The following TSPEAR variants were observed in gnomAD, a reference collection of about 807,000 sequenced individuals.
TSPEAR encodes the protein thrombospondin type laminin G domain and EAR repeats.
TSPEAR carries 69 observed loss-of-function variants against 71.6 expected under a neutral mutation model. That is an observed-to-expected ratio of 0.96 (90% confidence interval 0.79 to 1.18). The LOEUF is 1.18. TSPEAR is among the 50% of genes most tolerant of loss of function. The probability of loss-of-function intolerance (pLI) is 0.00; values close to 1 mark genes in which losing one functional copy is unlikely to be tolerated. For missense variants in TSPEAR, 971 were observed against 894.9 expected, an observed-to-expected ratio of 1.09 and a Z score of -1.09; for synonymous variants, 402 against 387.2, an observed-to-expected ratio of 1.04 and a Z score of -0.45.
chr21:44,529,699 C>A (rs587597285), intron 5 of TSPEAR, 99 bp downstream of exon 5: 1 of 1,389,992 alleles, frequency 7.2e-7, no homozygotes, highest in Non-Finnish European at 1.0e-6. Context: ...GGCAGGCACA[C>A]GAGAGGGGCT....
chr21:44,657,873 G>A (rs782349106), intron 1 of TSPEAR: 202 of 1,057,154 alleles, frequency 1.9e-4, no homozygotes, highest in Non-Finnish European at 2.6e-4. Flanking sequence ...CAACAGTTGT[G>A]TTTTTGTGTT....
chr21:44,694,460 G>A (rs1208725324), intron 1 of TSPEAR, among the ~76,000 whole-genome samples: 1 of 152,146 alleles, frequency 6.6e-6, no homozygotes, highest in Non-Finnish European at 1.5e-5. Context: ...TTTCAGTTCG[G>A]GAAGAAGAAA....
intron 9 of TSPEAR, chr21:44,518,378 T>G (rs2052651825): frequency 2.3e-6 from 1 of 437,592 alleles, no homozygotes; most frequent in South Asian, 1.7e-5. Flanking sequence ...TGGTGCAGTG[T>G]CGTGAAGAAG....
At chr21:44,580,511 G>T in intron 1 of TSPEAR, 1 of 1,613,692 alleles carries the variant, frequency 6.2e-7, no homozygotes, top group Non-Finnish European at 8.5e-7. Context: ...GCAGCTCTCT[G>T]GGCAGTCGTC....
intron 1 of TSPEAR, among the ~76,000 whole-genome samples, chr21:44,635,710 C>T (rs2146215359): frequency 6.6e-6 from 1 of 152,240 alleles, no homozygotes; most frequent in South Asian, 2.1e-4. Flanking sequence ...TGATAGTATT[C>T]TGGAACTAGG....
intron 1 of TSPEAR, among the ~76,000 whole-genome samples, chr21:44,613,842 C>T (rs781294482): frequency 1.3e-5 from 2 of 152,100 alleles, no homozygotes; most frequent in African/African-American, 2.4e-5. Flanking sequence ...GTGTCCTTCA[C>T]GTCGTTTAGG....
intron 2 of TSPEAR, among the ~76,000 whole-genome samples, chr21:44,541,529 G>A (rs190946877): frequency 1.4e-4 from 21 of 152,340 alleles, no homozygotes; most frequent in Admixed American, 1.2e-3. Context: ...CTGCACAGAA[G>A]TGAGTCCAAT....
intron 1 of TSPEAR, among the ~76,000 whole-genome samples, chr21:44,639,340 G>A (rs1409065839): frequency 3.3e-5 from 5 of 152,202 alleles, no homozygotes; most frequent in African/African-American, 7.2e-5. Flanking sequence ...GCGCACGTCC[G>A]GCTCCAGCAA....
At chr21:44,677,755 T>C (rs782029849) in intron 1 of TSPEAR, 401 of 1,350,898 alleles carry the variant, frequency 3.0e-4, no homozygotes, top group Non-Finnish European at 2.3e-4. Flanking sequence ...ACACTAGAGA[T>C]TTTTAGTGGA....
intron 1 of TSPEAR, chr21:44,676,304 C>T: frequency 8.2e-7 from 1 of 1,214,332 alleles, no homozygotes; most frequent in Non-Finnish European, 1.2e-6. Flanking sequence ...ATAGCTGTGG[C>T]TAAAGCTTTA....
At chr21:44,512,364 C>T (rs953101657) in intron 9 of TSPEAR, among the ~76,000 whole-genome samples, 4 of 151,024 alleles carry the variant, frequency 2.6e-5, no homozygotes, top group African/African-American at 7.3e-5. Flanking sequence ...GGTGCCACTC[C>T]TAAGATGGGA....
chr21:44,654,325 G>A lies in TSPEAR; in HGVS notation c.82+57108C>T, dbSNP rs1555942064. The stretch of plus-strand genomic sequence containing the variant: ...GGTGACAGGTCTATAGACCAGGGTG[G>A]GGCAGAAGGGCTGGCAGCACCCAGA... On this transcript the variant is annotated intron_variant, in intron 1 of 11. Coordinates refer to ENST00000323084, the MANE Select transcript of TSPEAR (RefSeq NM_144991.3). 6 of 1,614,096 alleles carry A rather than the reference G, an allele frequency of 3.7e-6. No homozygotes were observed. The Admixed American group carries it at 8.3e-5, about 22-fold the overall frequency.
At chr21:44,600,860 G>A in intron 1 of TSPEAR, 2 of 1,610,138 alleles carry the variant, frequency 1.2e-6, no homozygotes, top group Non-Finnish European at 1.7e-6. Flanking sequence ...TGCCAATCAG[G>A]CTGCACCAGC....
At position 44,593,719 on chromosome 21, in the gene TSPEAR, C is replaced by G. The variant is rs928673068; in HGVS notation, c.83-25714G>C. On this transcript the variant is annotated intron_variant, in intron 1 of 11. Transcript: ENST00000323084. The surrounding 1 kb of genome is among the most constrained non-coding windows in gnomAD (Gnocchi z 5.9). The stretch of plus-strand genomic sequence containing the variant: ...TCAAATTACAAACAGGACCTCAGGC[C>G]GCGCCAGGCAAGGGACAAGCCGCGT... Among the ~76,000 whole-genome samples the G allele has an allele frequency of 6.6e-6, 1 of 152,152 alleles. No homozygotes were observed. The highest frequency in any genetic ancestry group is 1.5e-5 in the Non-Finnish European group (1 of 68,020).
rs372475985 is a variant in TSPEAR at position 44,703,608 on chromosome 21, G to A, written c.82+7825C>T. ...GGAGCCCTGGCATTTTACTGAAATG[G>A]CCAACGCCTTCTGTTTGTGCTTGTG... is the stretch of plus-strand genomic sequence containing the variant. On this transcript the variant is annotated intron_variant, in intron 1 of 11. Coordinates refer to ENST00000323084, the MANE Select transcript of TSPEAR (RefSeq NM_144991.3). 3.3e-5 allele frequency among the ~76,000 whole-genome samples: 5 copies of A among 152,220 alleles called. No individual in the cohort carries two copies. The East Asian group carries it at 9.6e-4, about 29-fold the overall frequency.
intron 11 of TSPEAR, among the ~76,000 whole-genome samples, chr21:44,502,819 G>C (rs1013646934): frequency 7.3e-5 from 11 of 149,776 alleles, no homozygotes; most frequent in African/African-American, 2.4e-4. Context: ...GGGAAGCAAG[G>C]CTCTGGGAGG....
chr21:44,663,155 A>G (rs921248612), intron 1 of TSPEAR, among the ~76,000 whole-genome samples: 5 of 152,078 alleles, frequency 3.3e-5, no homozygotes, highest in African/African-American at 1.2e-4. Flanking sequence ...CAATGAAAGC[A>G]AAAGCTGCTT....
At chr21:44,646,860 A>T (rs587682180) in intron 1 of TSPEAR, 1 of 1,574,546 alleles carries the variant, frequency 6.4e-7, no homozygotes, top group South Asian at 1.2e-5. Flanking sequence ...GCTGCCAGCC[A>T]GCTTGCTGTG....
In TSPEAR at chr21:44,498,912, A is replaced by G. The variant is rs2051976786; in HGVS notation, c.*871T>C. The G allele has an allele frequency of 1.3e-5, 2 of 152,454 alleles. No homozygotes were observed. Among genetic ancestry groups the G allele is most frequent in the African/African-American group, 4.8e-5 (2 of 41,550 alleles). 9.4% of individuals were successfully genotyped at this position (152,454 alleles called of 1,614,324 possible). A position where few individuals can be genotyped will look rare whatever the true frequency, so the allele number is the denominator to read the frequency against. On this transcript the variant is annotated 3_prime_UTR_variant, in exon 12 of 12. Transcript: ENST00000323084. ...CTCTCATCCTCACTGCCTGTGACGG[A>G]CAGACAAGCAGCTCTCCCAGCTGCA...
Sources: gnomAD v4.1 joint callset for allele counts (sites outside exome capture counted in the v4.1 genomes callset) on GRCh38, gnomAD v4.1.1 for gene constraint, Gnocchi (gnomAD v3.1) non-coding constraint, MANE v1.5 for transcripts, NCBI Gene and HGNC (gene_info 2026-07-23, HGNC 2026-07-21) for gene names.